The following TREML4 variants were observed in gnomAD, a reference collection of about 807,000 sequenced individuals.
TREML4 encodes the protein triggering receptor expressed on myeloid cells like 4, also known as trem-like transcript 4 protein.
A neutral mutation model predicts 25.4 loss-of-function variants in TREML4; 25 were observed. The observed-to-expected ratio is 0.98, with a 90% CI of 0.72 to 1.37. TREML4 has a LOEUF of 1.37. TREML4 is among the 40% of genes most tolerant of loss of function. The pLI is 0.00. For missense variants in TREML4, 268 were observed against 236.5 expected (o/e 1.13, Z -0.87); for synonymous variants, 92 against 87.9 (o/e 1.05, Z -0.26).
At chr6:41,230,263 C>G (rs1204471044) in intron 4 of TREML4, 141 bp downstream of exon 4, 2 of 624,356 alleles carry the variant, frequency 3.2e-6, no homozygotes, top group Non-Finnish European at 2.8e-6. Context: ...GTGGAGCCCC[C>G]AGGCCATGAC....
intron 4 of TREML4, among the ~76,000 whole-genome samples, chr6:41,230,367 A>G (rs765197582): frequency 6.6e-6 from 1 of 152,228 alleles, no homozygotes; most frequent in African/African-American, 2.4e-5. Flanking sequence ...TTTCTGCAAT[A>G]AAACAAAATG....
At chr6:41,234,935 G>A (rs1390162042) in intron 4 of TREML4, among the ~76,000 whole-genome samples, 1 of 151,772 alleles carries the variant, frequency 6.6e-6, no homozygotes, top group Non-Finnish European at 1.5e-5. Flanking sequence ...TTAAATTATA[G>A]GTTCATTTCT....
intron 4 of TREML4, among the ~76,000 whole-genome samples, chr6:41,232,147 A>G (rs1825411): frequency 0.7 from 106,762 of 152,106 alleles, 39,335 homozygotes; most frequent in East Asian, 0.85. Context: ...AGTGTTTTGT[A>G]TTCAGCCAAA....
Position 41,230,041 on chromosome 6 carries a change from TC to T in TREML4, c.446-20del, listed in dbSNP as rs1392952621. 2.5e-6 allele frequency: 4 copies of T among 1,600,076 alleles called. No individual in the cohort carries two copies. Among genetic ancestry groups the T allele is most frequent in the Non-Finnish European group, 3.4e-6 (4 of 1,167,258 alleles). ...ATTCTGGTGCCCTGGGCAGCCACTGTCTTCTTTGTGTCCTCTTTAGTTCTGA... is the reference window on the plus strand; with the variant it reads ...ATTCTGGTGCCCTGGGCAGCCACTGTTTCTTTGTGTCCTCTTTAGTTCTGA... On this transcript the variant is annotated intron_variant, in intron 3 of 5. Transcript: ENST00000341495.
At position 41,238,256 on chromosome 6, in the gene TREML4, C is replaced by T. The variant is rs2113946208; in HGVS notation, c.*1237C>T. ...CTCATTCCCTATGTCCACTTGCCTT[C>T]CTCTCCGAGGCAACTACTCTAATGC... On this transcript the variant is annotated 3_prime_UTR_variant, in exon 6 of 6. Transcript: ENST00000341495. 1 of 152,336 alleles carries T rather than the reference C, an allele frequency of 6.6e-6. No homozygotes were observed. 9.4% of individuals were successfully genotyped at this position (152,336 alleles called of 1,614,324 possible). A position where few individuals can be genotyped will look rare whatever the true frequency, so the allele number is the denominator to read the frequency against.
intron 4 of TREML4, 102 bp downstream of exon 4, chr6:41,230,224 T>C (rs1345642489): frequency 1.0e-6 from 1 of 980,792 alleles, no homozygotes; most frequent in African/African-American, 1.6e-5. Context: ...GGGATCCTTC[T>C]CTGGTGGGTT....
intron 5 of TREML4, among the ~76,000 whole-genome samples, 188 bp from the exon 6 acceptor site, chr6:41,236,867 A>G (rs1027439491): frequency 6.6e-6 from 1 of 151,752 alleles, no homozygotes; most frequent in African/African-American, 2.4e-5. Flanking sequence ...AAAGACCAGG[A>G]GGACAAAGCT....
At chr6:41,232,861 T>C (rs1394277746) in intron 4 of TREML4, among the ~76,000 whole-genome samples, 1 of 152,102 alleles carries the variant, frequency 6.6e-6, no homozygotes, top group Non-Finnish European at 1.5e-5. Flanking sequence ...TGGCTGTAAA[T>C]ACTAAGAAGC....
At position 41,228,400 on chromosome 6, in the gene TREML4, C is replaced by T; in HGVS notation, c.-28C>T. The T allele has an allele frequency of 1.3e-6, 2 of 1,584,038 alleles. No individual in the cohort carries two copies. Among genetic ancestry groups the T allele is most frequent in the South Asian group, 2.3e-5 (2 of 87,030 alleles). On this transcript the variant is annotated 5_prime_UTR_variant, in exon 1 of 6. Coordinates refer to ENST00000341495, the MANE Select transcript of TREML4 (RefSeq NM_198153.3). ...AGGGCTCCCTTTTTTCTCCTCTCCT[C>T]CGCTGTCAGAAACAGATCTGGGCTG...
At chr6:41,230,406 C>T (rs1209193731) in intron 4 of TREML4, among the ~76,000 whole-genome samples, 1 of 152,094 alleles carries the variant, frequency 6.6e-6, no homozygotes, top group African/African-American at 2.4e-5. Flanking sequence ...AATTGGAGGC[C>T]GTGTTGGTGT....
intron 4 of TREML4, chr6:41,231,086 C>T (rs1027169994): frequency 2.3e-6 from 1 of 443,806 alleles, no homozygotes; most frequent in African/African-American, 2.0e-5. Context: ...GATGGGACCA[C>T]CCAGTTGTAG....
At chr6:41,230,515 C>T (rs528795023) in intron 4 of TREML4, among the ~76,000 whole-genome samples, 1 of 152,156 alleles carries the variant, frequency 6.6e-6, no homozygotes, top group South Asian at 2.1e-4. Context: ...TTAAATTCTG[C>T]TTCTATTCTT....
intron 4 of TREML4, chr6:41,231,000 T>C (rs1250284026): frequency 3.6e-6 from 1 of 274,142 alleles, no homozygotes; most frequent in Non-Finnish European, 7.8e-6. Context: ...GAACTGTGCA[T>C]GCGAGGGTTC....
chr6:41,228,925 T>G lies in TREML4; in HGVS notation c.275T>G (p.Phe92Cys). ...TGGGACAAGCCCAATGCTGGCTTCTTCAACATCACCATGATTCAGCTGACA... is the reference window on the plus strand; with the variant it reads ...TGGGACAAGCCCAATGCTGGCTTCTGCAACATCACCATGATTCAGCTGACA... Reference protein sequence around the residue: ...TIWDKPNAGFFNITMIQLTQN... With the variant: ...TIWDKPNAGFCNITMIQLTQN... The change falls in exon 2 of 6, where the codon TTC (phenylalanine) becomes TGC (cysteine). Residue 92 changes from phenylalanine to cysteine, a missense_variant. Transcript: ENST00000341495. 4 of 1,614,146 alleles carry G rather than the reference T, an allele frequency of 2.5e-6. No homozygotes were observed. Among genetic ancestry groups the G allele is most frequent in the Non-Finnish European group, 3.4e-6 (4 of 1,180,010 alleles).
intron 4 of TREML4, among the ~76,000 whole-genome samples, chr6:41,232,721 C>T (rs560696621): frequency 2.0e-5 from 3 of 152,248 alleles, no homozygotes; most frequent in Admixed American, 1.3e-4. Flanking sequence ...ATTTGATTTT[C>T]CTAAGGAACG....
Position 41,229,034 on chromosome 6 carries a change from G to A in TREML4, c.384G>A (p.Val128=), listed in dbSNP as rs759589322. 1 of 1,610,872 alleles carries A rather than the reference G, an allele frequency of 6.2e-7. No individual in the cohort carries two copies. Among genetic ancestry groups the A allele is most frequent in the South Asian group, 1.1e-5 (1 of 90,866 alleles). Residue 128 remains valine, a synonymous_variant, in exon 2 of 6, where the codon GTG becomes GTA. Coordinates refer to ENST00000341495, the MANE Select transcript of TREML4 (RefSeq NM_198153.3). The stretch of plus-strand genomic sequence containing the variant: ...CTGTTCTTAGAAATATCAGCCTGGT[G>A]GTGTCTCCAGGTGAGCTCTTTTCTT... The part of the protein sequence containing the change: ...IITVLRNISL[V]VSPAPTTSPM...
rs990920039 is a variant in TREML4 at position 41,237,576 on chromosome 6, A to T, written c.*557A>T. The T allele has an allele frequency of 5.3e-5, 8 of 152,222 alleles. No individual in the cohort carries two copies. The highest frequency in any genetic ancestry group is 1.2e-4 in the Non-Finnish European group (8 of 68,064). The allele number at this position is 152,222 out of a possible 1,614,324, so 9.4% of individuals were successfully genotyped here. On this transcript the variant is annotated 3_prime_UTR_variant, in exon 6 of 6. Transcript: ENST00000341495. ...GTCAGGGGCAGCTGAGCAAGACAGC[A>T]GTTGTATCCCCTCACCTTCCTCCCG...
intron 4 of TREML4, among the ~76,000 whole-genome samples, chr6:41,234,070 A>G (rs1220804810): frequency 6.6e-6 from 1 of 151,970 alleles, no homozygotes; most frequent in African/African-American, 2.4e-5. Context: ...ATGTATTTAC[A>G]AAAGGACACC....
At chr6:41,229,914 A>G in intron 3 of TREML4, 148 bp from the exon 4 acceptor site, 1 of 708,076 alleles carries the variant, frequency 1.4e-6, no homozygotes, top group Non-Finnish European at 2.5e-6. Flanking sequence ...CTGGTTATGG[A>G]GATCTCAGGC....
Sources: gnomAD v4.1 joint callset for allele counts (sites outside exome capture counted in the v4.1 genomes callset) on GRCh38, gnomAD v4.1.1 for gene constraint, MANE v1.5 for transcripts, NCBI Gene and HGNC (gene_info 2026-07-23, HGNC 2026-07-21) for gene names.